Variants in ABCC4 observed in about 807,000 individuals in gnomAD.
The protein encoded by ABCC4 is ATP binding cassette subfamily C member 4 (PEL blood group), also known as ATP-binding cassette sub-family C member 4.
In ABCC4, 102 loss-of-function variants were observed where a neutral mutation model predicts 168.5. The observed-to-expected ratio is 0.61, with a 90% confidence interval of 0.52 to 0.71. The LOEUF (loss-of-function observed/expected upper bound fraction) is 0.71, where lower values mean the gene tolerates loss of function less well. Among genes scored for constraint, ABCC4 ranks in the 30% least tolerant of loss-of-function variants. The pLI is 0.00. For synonymous variants in ABCC4, 617 were observed against 590.7 expected (o/e 1.04, Z -0.65); for missense variants, 1,402 against 1,605.8 (o/e 0.87, Z 2.17).
intron 6 of ABCC4, among the ~76,000 whole-genome samples, 161 bp from the exon 7 acceptor site, chr13:95,208,086 G>A (rs918503969): frequency 2.0e-5 from 3 of 152,114 alleles, no homozygotes; most frequent in South Asian, 2.1e-4. Flanking sequence ...AAAAGACTTC[G>A]ATTAGGAAGT....
At position 95,062,790 on chromosome 13, in the gene ABCC4, G is replaced by A; in HGVS notation, c.3280C>T (p.Pro1094Ser). 1.2e-6 allele frequency: 2 copies of A among 1,613,564 alleles called. No individual in the cohort carries two copies. The highest frequency in any genetic ancestry group is 1.7e-6 in the Non-Finnish European group (2 of 1,179,904). Residue 1094 changes from proline to serine, a missense_variant, in exon 26 of 31, where the codon CCC becomes TCC. By Grantham distance (74) the Pro-to-Ser change is moderately conservative (BLOSUM62 -1). Around this residue, in one of 3 missense-constraint regions of ABCC4, gnomAD observed 1,007 missense variants for 1,127.3 expected, o/e 0.89. Coordinates refer to ENST00000645237, the MANE Select transcript of ABCC4 (RefSeq NM_005845.5). Reference protein sequence around the residue: ...LISALFRLSEPEGKIWIDKIL... With the variant: ...LISALFRLSESEGKIWIDKIL... ...TTATCAATCCAAATTTTACCTTCGG[G>A]TTCTGACAATCTAAAAAGGGCTGAG...
intron 3 of ABCC4, among the ~76,000 whole-genome samples, chr13:95,243,119 G>C (rs1354645390): frequency 6.6e-6 from 1 of 151,862 alleles, no homozygotes; most frequent in Admixed American, 6.5e-5. Context: ...CTTGTGAAAA[G>C]CCCAGGCTCC....
chr13:95,269,625 A>C (rs777671769), intron 1 of ABCC4, among the ~76,000 whole-genome samples: 1 of 152,092 alleles, frequency 6.6e-6, no homozygotes, highest in Non-Finnish European at 1.5e-5. Flanking sequence ...CCAGGATGTT[A>C]ACCTTATAAT....
intron 14 of ABCC4, 135 bp from the exon 15 acceptor site, chr13:95,166,502 C>A: frequency 1.4e-6 from 1 of 719,534 alleles, no homozygotes; most frequent in Non-Finnish European, 2.3e-6. Flanking sequence ...GTTGACAAAT[C>A]TAATACAATT....
intron 8 of ABCC4, among the ~76,000 whole-genome samples, chr13:95,202,317 T>C (rs1217635272): frequency 6.6e-6 from 1 of 152,208 alleles, no homozygotes; most frequent in African/African-American, 2.4e-5. Flanking sequence ...TGAGACAATT[T>C]TATCAATCAA....
At chr13:95,228,036 C>T (rs1008597435) in intron 4 of ABCC4, among the ~76,000 whole-genome samples, 1 of 152,112 alleles carries the variant, frequency 6.6e-6, no homozygotes, top group African/African-American at 2.4e-5. Context: ...TCATACTATT[C>T]AGTCTAAATA....
chr13:95,067,497 C>T (rs772137810), intron 25 of ABCC4, among the ~76,000 whole-genome samples: 13 of 152,098 alleles, frequency 8.5e-5, no homozygotes, highest in East Asian at 7.7e-4. Flanking sequence ...CGGAGAGCAA[C>T]GGCTTTAATG....
At chr13:95,245,114 AG>A in intron 3 of ABCC4, among the ~76,000 whole-genome samples, 1 of 152,300 alleles carries the variant, frequency 6.6e-6, no homozygotes, top group East Asian at 1.9e-4. Flanking sequence ...ACTGTAGTCC[AG>A]TCACCATCTG....
chr13:95,300,514 A>G (rs2041647472), intron 1 of ABCC4, among the ~76,000 whole-genome samples: 1 of 152,198 alleles, frequency 6.6e-6, no homozygotes, highest in Non-Finnish European at 1.5e-5. Flanking sequence ...TTTTACCCAC[A>G]TGAAACTTGC....
chr13:95,217,121 G>A (rs973848360), intron 4 of ABCC4, among the ~76,000 whole-genome samples: 1 of 152,120 alleles, frequency 6.6e-6, no homozygotes, highest in Admixed American at 6.6e-5. Context: ...CTGAAGGCAG[G>A]CAAGGAAATA....
intron 11 of ABCC4, among the ~76,000 whole-genome samples, chr13:95,186,288 A>C (rs2038055279): frequency 6.6e-6 from 1 of 152,176 alleles, no homozygotes; most frequent in Admixed American, 6.5e-5. Flanking sequence ...CATCAGAAGA[A>C]TCTGGGTTGG....
Position 95,249,691 on chromosome 13 carries a change from G to A in ABCC4, c.75-1938C>T, listed in dbSNP as rs2040205277. ...GACATGCCTGAGATGACCTCTGCAT[G>A]CCCGAGACCTCCCTTCCAGCAGAAC... is the stretch of plus-strand genomic sequence containing the variant. On this transcript the variant is annotated intron_variant, in intron 1 of 30. Coordinates refer to ENST00000645237, the MANE Select transcript of ABCC4 (RefSeq NM_005845.5). Among the ~76,000 whole-genome samples the A allele has an allele frequency of 3.3e-5, 5 of 152,096 alleles. 1 individual carries two copies. The South Asian group carries it at 1.0e-3, about 32-fold the overall frequency.
chr13:95,203,452 CCTG>C lies in ABCC4; in HGVS notation c.1161+3077_1161+3079del, dbSNP rs2038689122. 5.3e-5 allele frequency among the ~76,000 whole-genome samples: 8 copies of C among 151,698 alleles called. 1 individual carries two copies. The South Asian group carries it at 1.7e-3, about 32-fold the overall frequency. On this transcript the variant is annotated intron_variant, in intron 8 of 30. Coordinates refer to ENST00000645237, the MANE Select transcript of ABCC4 (RefSeq NM_005845.5). ...TTTGGGTTCAAGCAAGCCTGAGCCT[CCTG>C]AGGAGCTGGGATTACAGGCGTGTAG...
intron 11 of ABCC4, among the ~76,000 whole-genome samples, chr13:95,181,966 T>TA (rs895836606): frequency 8.6e-5 from 13 of 151,444 alleles, no homozygotes; most frequent in Admixed American, 2.6e-4. Flanking sequence ...TACTCAGCTT[T>TA]AAAAAAAAAG....
intron 27 of ABCC4, among the ~76,000 whole-genome samples, chr13:95,045,720 A>G (rs72642343): frequency 6.6e-6 from 1 of 152,276 alleles, no homozygotes; most frequent in Non-Finnish European, 1.5e-5. Flanking sequence ...TTTGAGAGCT[A>G]TAGAGGAACC....
At chr13:95,218,939 A>AG (rs1566539537) in intron 4 of ABCC4, among the ~76,000 whole-genome samples, 496 of 29,502 alleles carry the variant, frequency 0.017, 26 homozygotes, top group African/African-American at 0.077. Flanking sequence ...GAAAGAAAGA[A>AG]AGAAAGAAAG....
At chr13:95,158,159 C>A (rs2036941513) in intron 19 of ABCC4, among the ~76,000 whole-genome samples, 1 of 151,952 alleles carries the variant, frequency 6.6e-6, no homozygotes, top group South Asian at 2.1e-4. Context: ...TCCCTAAATC[C>A]AAATAAGTGA....
At chr13:95,146,151 C>A (rs891615552) in intron 19 of ABCC4, among the ~76,000 whole-genome samples, 1 of 148,756 alleles carries the variant, frequency 6.7e-6, no homozygotes, top group African/African-American at 2.5e-5. Context: ...GCGGAAGTTG[C>A]AGTGAGCCAA....
chr13:95,196,727 A>C (rs1033870062), intron 8 of ABCC4, among the ~76,000 whole-genome samples: 8 of 103,672 alleles, frequency 7.7e-5, no homozygotes, highest in Admixed American at 1.8e-4. Flanking sequence ...GAAGGAAGGA[A>C]GGAAGAAGGG....
Sources: gnomAD v4.1 joint callset for allele counts (sites outside exome capture counted in the v4.1 genomes callset) on GRCh38, gnomAD v4.1.1 for gene constraint, gnomAD v4.1.1 regional missense constraint, MANE v1.5 for transcripts, NCBI Gene and HGNC (gene_info 2026-07-23, HGNC 2026-07-21) for gene names.